The following TIAM1 variants were observed in gnomAD, a reference collection of about 807,000 sequenced individuals.
TIAM1 encodes rho guanine nucleotide exchange factor TIAM1.
TIAM1 carries 65 observed loss-of-function variants against 163.5 expected under a neutral mutation model. The observed-to-expected ratio is 0.40, with a 90% CI of 0.33 to 0.49. The LOEUF is 0.49. Among genes scored for constraint, TIAM1 ranks in the 20% least tolerant of loss-of-function variants. The probability of loss-of-function intolerance (pLI) is 0.77; values close to 1 mark genes in which losing one functional copy is unlikely to be tolerated. For synonymous variants in TIAM1, 833 were observed against 810.1 expected (o/e 1.03, Z -0.48); for missense variants, 1,789 against 2,044.7 (o/e 0.87, Z 2.41).
At chr21:31,356,532 C>G (rs2076319770) in intron 2 of TIAM1, among the ~76,000 whole-genome samples, 1 of 151,992 alleles carries the variant, frequency 6.6e-6, no homozygotes, top group South Asian at 2.1e-4. Flanking sequence ...AGATCGGAGC[C>G]CCCAGGATTG....
intron 12 of TIAM1, among the ~76,000 whole-genome samples, chr21:31,199,779 C>T (rs4817386): frequency 0.18 from 26,581 of 151,600 alleles, 3,430 homozygotes; most frequent in East Asian, 0.4. Flanking sequence ...GATCCACCTG[C>T]TCAGCCTCCC....
intron 2 of TIAM1, among the ~76,000 whole-genome samples, chr21:31,287,597 A>G (rs1458528159): frequency 1.3e-5 from 2 of 152,176 alleles, no homozygotes; most frequent in Non-Finnish European, 2.9e-5. Flanking sequence ...ATGAACAGGG[A>G]TAGGAGAGAG....
chr21:31,396,624 T>C (rs779576188), intron 2 of TIAM1, among the ~76,000 whole-genome samples: 4 of 148,642 alleles, frequency 2.7e-5, no homozygotes, highest in Non-Finnish European at 4.5e-5. Flanking sequence ...TTATCAATTA[T>C]AACAATATTA....
chr21:31,298,119 T>C (rs1034314), intron 2 of TIAM1, among the ~76,000 whole-genome samples: 51,304 of 152,000 alleles, frequency 0.34, 8,986 homozygotes, highest in Middle Eastern at 0.56. Context: ...GCTGAGCGGA[T>C]GGAGTGGCTT....
intron 2 of TIAM1, among the ~76,000 whole-genome samples, chr21:31,400,095 T>C (rs966113087): frequency 6.6e-6 from 1 of 151,686 alleles, no homozygotes; most frequent in African/African-American, 2.4e-5. Context: ...GAAGGAAATA[T>C]AAGGGGAAAT....
intron 1 of TIAM1, among the ~76,000 whole-genome samples, chr21:31,496,610 A>C (rs7282313): frequency 9.9e-5 from 15 of 151,952 alleles, no homozygotes; most frequent in African/African-American, 3.4e-4. Flanking sequence ...TTATTATTAA[A>C]GAAAAAAAAA....
chr21:31,471,839 A>C (rs2045750845), intron 1 of TIAM1, among the ~76,000 whole-genome samples: 1 of 151,658 alleles, frequency 6.6e-6, no homozygotes, highest in African/African-American at 2.4e-5. Flanking sequence ...ATTGCATTCC[A>C]GCCTGGGCAA....
chr21:31,363,234 G>C (rs2076436859), intron 2 of TIAM1, among the ~76,000 whole-genome samples: 1 of 152,100 alleles, frequency 6.6e-6, no homozygotes, highest in Admixed American at 6.5e-5. Context: ...TCTGATCCAG[G>C]GAAAACAGGG....
intron 1 of TIAM1, among the ~76,000 whole-genome samples, chr21:31,488,076 G>A (rs34386255): frequency 0.59 from 89,074 of 152,048 alleles, 27,018 homozygotes; most frequent in African/African-American, 0.7. Context: ...CACCCACTTC[G>A]GCCTCCCGAA....
chr21:31,336,758 A>T (rs917549346), intron 2 of TIAM1, among the ~76,000 whole-genome samples: 1 of 152,154 alleles, frequency 6.6e-6, no homozygotes, highest in African/African-American at 2.4e-5. Context: ...TGGCTGGGGC[A>T]GTCCAGAAAG....
intron 14 of TIAM1, among the ~76,000 whole-genome samples, chr21:31,184,397 T>A (rs573036009): frequency 2.0e-5 from 3 of 152,120 alleles, no homozygotes; most frequent in South Asian, 4.1e-4. Context: ...TGAGCCACCG[T>A]GCCCGGCCAA....
chr21:31,354,812 T>C (rs2076288840), intron 2 of TIAM1, among the ~76,000 whole-genome samples: 2 of 152,210 alleles, frequency 1.3e-5, no homozygotes, highest in African/African-American at 4.8e-5. Context: ...GCCTGGTTTC[T>C]GAGAAAGGGA....
At chr21:31,329,607 G>T (rs868379718) in intron 2 of TIAM1, among the ~76,000 whole-genome samples, 1 of 152,158 alleles carries the variant, frequency 6.6e-6, no homozygotes, top group Non-Finnish European at 1.5e-5. Context: ...TGTCCACAGC[G>T]CAGCACATGG....
At chr21:31,247,103 T>G (rs187104941) in intron 5 of TIAM1, among the ~76,000 whole-genome samples, 1 of 152,178 alleles carries the variant, frequency 6.6e-6, no homozygotes, top group African/African-American at 2.4e-5. Context: ...AAGGATTACC[T>G]GAGCCCAGGA....
At position 31,118,828 on chromosome 21, in the gene TIAM1, G is replaced by T. The variant is rs1332766989; in HGVS notation, c.*1540C>A. On this transcript the variant is annotated 3_prime_UTR_variant, in exon 28 of 28. Transcript: ENST00000541036. The stretch of plus-strand genomic sequence containing the variant: ...AGCTCGAAGCCCTGGAAACCCGAAA[G>T]GCGGGGGGAATACAGGGTGGGAACG... 2.8e-6 allele frequency: 1 copy of T among 354,668 alleles called. No homozygotes were observed. The highest frequency in any genetic ancestry group is 2.2e-5 in the African/African-American group (1 of 46,502). 22.0% of individuals were successfully genotyped at this position (354,668 alleles called of 1,614,324 possible). A position where few individuals can be genotyped will look rare whatever the true frequency, so the allele number is the denominator to read the frequency against.
chr21:31,136,449 T>C (rs1463019554), intron 22 of TIAM1, among the ~76,000 whole-genome samples: 1 of 152,026 alleles, frequency 6.6e-6, no homozygotes, highest in Non-Finnish European at 1.5e-5. Context: ...CATTATGTTC[T>C]AGCCAAGTTT....
intron 16 of TIAM1, among the ~76,000 whole-genome samples, chr21:31,158,538 G>T (rs1246175900): frequency 6.6e-6 from 1 of 152,016 alleles, no homozygotes; most frequent in African/African-American, 2.4e-5. Flanking sequence ...AGAATAAAAA[G>T]GTACCATATG....
intron 2 of TIAM1, among the ~76,000 whole-genome samples, chr21:31,307,552 C>T (rs1432660965): frequency 6.6e-6 from 1 of 152,214 alleles, no homozygotes; most frequent in Admixed American, 6.5e-5. Context: ...CCGGAGAACT[C>T]TGTGGCAGTA....
At chr21:31,431,677 A>C (rs1373687147) in intron 2 of TIAM1, among the ~76,000 whole-genome samples, 1 of 152,240 alleles carries the variant, frequency 6.6e-6, no homozygotes, top group Non-Finnish European at 1.5e-5. Flanking sequence ...CTTTACGAAC[A>C]CTAGAGAGTG....
Sources: allele counts gnomAD v4.1 joint callset (sites outside exome capture counted in the v4.1 genomes callset), GRCh38; gene constraint gnomAD v4.1.1; transcripts MANE v1.5; gene names NCBI Gene and HGNC (gene_info 2026-07-23, HGNC 2026-07-21).